The following CEP104 variants were observed in gnomAD, a reference collection of about 807,000 sequenced individuals.
CEP104 encodes centrosomal protein of 104 kDa.
A neutral mutation model predicts 113.3 loss-of-function variants in CEP104; 84 were observed. The observed-to-expected ratio is 0.74, with a 90% CI of 0.62 to 0.89. The LOEUF (loss-of-function observed/expected upper bound fraction) is 0.89. Among genes scored for constraint, CEP104 ranks in the 40% least tolerant of loss-of-function variants. CEP104 has a pLI of 0.00. For missense variants in CEP104, 1,053 were observed against 1,156.6 expected, an observed-to-expected ratio of 0.91 and a Z score of 1.30; for synonymous variants, 378 against 421.7, an observed-to-expected ratio of 0.90 and a Z score of 1.27.
At chr1:3,829,234 GCA>G (rs773944219) in intron 15 of CEP104, 30 bp downstream of exon 15, 1 of 1,425,310 alleles carries the variant, frequency 7.0e-7, no homozygotes, top group South Asian at 1.3e-5. Flanking sequence ...TCAGCTAAAA[GCA>G]CACAGGTGAA....
intron 14 of CEP104, 194 bp from the exon 15 acceptor site, chr1:3,829,567 C>T (rs1644159286): frequency 1.5e-6 from 1 of 655,344 alleles, no homozygotes; most frequent in Admixed American, 2.9e-5. Flanking sequence ...GTCCTCACGG[C>T]TATCGTTATT....
At position 3,836,485 on chromosome 1, in the gene CEP104, T is replaced by TTTTTTG; in HGVS notation, c.1317+9_1317+10insCAAAAA. 1 of 1,510,636 alleles carries TTTTTTG rather than the reference T, an allele frequency of 6.6e-7. No individual in the cohort carries two copies. Among genetic ancestry groups the TTTTTTG allele is most frequent in the Non-Finnish European group, 8.8e-7 (1 of 1,138,724 alleles). 93.6% of individuals were successfully genotyped at this position (1,510,636 alleles called of 1,614,324 possible). On this transcript the variant is annotated intron_variant, in intron 10 of 21. Coordinates refer to ENST00000378230, the MANE Select transcript of CEP104 (RefSeq NM_014704.4). ...GCCACCCCGTTTTTTTTTTTTTTTTTTTTTTTTACCAAGGTTTCTCCCAAC... is the reference window on the plus strand; with the variant it reads ...GCCACCCCGTTTTTTTTTTTTTTTTTTTTTTGTTTTTTTACCAAGGTTTCTCCCAAC...
rs527605519 is a variant in CEP104, at chr1:3,840,617, C to T, written c.567-841G>A. Among the ~76,000 whole-genome samples, 12 of 152,196 alleles carry T rather than the reference C, an allele frequency of 7.9e-5. No homozygotes were observed. In the East Asian group the frequency reaches 2.3e-3, roughly 29 times the overall value. On this transcript the variant is annotated intron_variant, in intron 6 of 21. Transcript: ENST00000378230. ...CAGTGGCATGATCTTGGGCTCACTG[C>T]AACCTCTGCCTCCTGGGTTCAAGCA... is the stretch of plus-strand genomic sequence containing the variant.
intron 2 of CEP104, 98 bp downstream of exon 2, chr1:3,852,195 GAT>G: frequency 8.8e-7 from 1 of 1,137,224 alleles, no homozygotes; most frequent in Non-Finnish European, 1.2e-6. Flanking sequence ...ATGTCCGAGT[GAT>G]AGTAAAATCT....
At chr1:3,836,468 GTTT>G (rs36051675) in intron 10 of CEP104, 24 bp downstream of exon 10, 7,754 of 1,000,230 alleles carry the variant, frequency 7.8e-3, no homozygotes, top group East Asian at 0.013. Context: ...CTGCCACCCC[GTTT>G]TTTTTTTTTT....
chr1:3,841,670 C>T (rs539993534), intron 6 of CEP104, among the ~76,000 whole-genome samples: 65 of 152,314 alleles, frequency 4.3e-4, no homozygotes, highest in Admixed American at 2.9e-3. Flanking sequence ...AGCACAGGCC[C>T]GCACGTGCCA....
In CEP104 at chr1:3,816,295, G is replaced by C. The variant is rs1643879356; in HGVS notation, c.2647C>G (p.Pro883Ala). The change falls in exon 21 of 22, where the codon CCG (proline) becomes GCG (alanine). Residue 883 changes from proline to alanine, a missense_variant. Transcript: ENST00000378230. ...LRKTHILQKA[P>A]ALQPGKSSAV... ...TGTCCCTCACCTGGCTGCAGTGCCGGGGCCTTCTGCAGAATGTGTGTCTTG... is the reference window on the plus strand; with the variant it reads ...TGTCCCTCACCTGGCTGCAGTGCCGCGGCCTTCTGCAGAATGTGTGTCTTG... 1.9e-6 allele frequency: 3 copies of C among 1,552,554 alleles called. No homozygotes were observed. Among genetic ancestry groups the C allele is most frequent in the Non-Finnish European group, 2.6e-6 (3 of 1,147,472 alleles).
intron 1 of CEP104, 50 bp from the exon 2 acceptor site, chr1:3,852,471 C>A: frequency 6.5e-7 from 1 of 1,539,856 alleles, no homozygotes. Flanking sequence ...AATTCACTAA[C>A]ACATGGACAT....
intron 13 of CEP104, 54 bp from the exon 14 acceptor site, chr1:3,830,051 C>A: frequency 1.5e-6 from 2 of 1,307,582 alleles, no homozygotes; most frequent in Non-Finnish European, 2.2e-6. Flanking sequence ...CTAATTTCTT[C>A]CAGCTTACAA....
intron 20 of CEP104, among the ~76,000 whole-genome samples, chr1:3,817,575 C>G (rs1005556365): frequency 1.3e-5 from 2 of 152,208 alleles, no homozygotes; most frequent in Admixed American, 6.5e-5. Flanking sequence ...GGGTTCTGGT[C>G]TCTCCAGGCC....
intron 4 of CEP104, among the ~76,000 whole-genome samples, chr1:3,845,654 C>T (rs532101748): frequency 4.1e-4 from 62 of 152,254 alleles, no homozygotes; most frequent in Admixed American, 2.9e-3. Context: ...CTCTGACCTA[C>T]ACTGTTATCA....
rs967349015 is a variant in CEP104, at chr1:3,815,327, G to A, written c.*75C>T. 19 of 1,140,030 alleles carry A rather than the reference G, an allele frequency of 1.7e-5. No individual in the cohort carries two copies. In the African/African-American group the frequency reaches 2.3e-4, roughly 14 times the overall value. The allele number at this position is 1,140,030 out of a possible 1,614,324, so 70.6% of individuals were successfully genotyped here. ...AGAGCATGGGGCCACCAAGGCCAGA[G>A]AGTTCTGGAGAGATGGTGTAGAATC... On this transcript the variant is annotated 3_prime_UTR_variant, in exon 22 of 22. Coordinates refer to ENST00000378230, the MANE Select transcript of CEP104 (RefSeq NM_014704.4).
intron 20 of CEP104, among the ~76,000 whole-genome samples, chr1:3,820,129 G>A (rs1376916232): frequency 6.6e-6 from 1 of 152,190 alleles, no homozygotes; most frequent in Non-Finnish European, 1.5e-5. Context: ...AGGGAAAGCA[G>A]ATGACACATG....
intron 2 of CEP104, among the ~76,000 whole-genome samples, chr1:3,849,639 T>C (rs1252897809): frequency 6.6e-6 from 1 of 152,208 alleles, no homozygotes; most frequent in East Asian, 1.9e-4. Context: ...ACAGGCACAT[T>C]TGGGGCAGGA....
At position 3,837,528 on chromosome 1, in the gene CEP104, C is replaced by CA. The variant is rs1644338720; in HGVS notation, c.892-10dup. On this transcript the variant is annotated splice_polypyrimidine_tract_variant and intron_variant, in intron 8 of 21. Coordinates refer to ENST00000378230, the MANE Select transcript of CEP104 (RefSeq NM_014704.4). Reference sequence around the variant, plus strand: ...TCAAAAGGTCTTCGCATCTAGAGAACAAAAAGGAACATTTAATTTCAAATG... The same window carrying CA: ...TCAAAAGGTCTTCGCATCTAGAGAACAAAAAAGGAACATTTAATTTCAAATG... 1.2e-6 allele frequency: 2 copies of CA among 1,609,590 alleles called. No individual in the cohort carries two copies. Among genetic ancestry groups the CA allele is most frequent in the East Asian group, 4.5e-5 (2 of 44,858 alleles).
rs1331133500 is a variant in CEP104 at position 3,815,122 on chromosome 1, C to T, written c.*280G>A. The T allele has an allele frequency of 2.5e-5, 11 of 432,672 alleles. No homozygotes were observed. The highest frequency in any genetic ancestry group is 1.6e-4 in the Admixed American group (4 of 24,450). 26.8% of individuals were successfully genotyped at this position (432,672 alleles called of 1,614,324 possible). A position where few individuals can be genotyped will look rare whatever the true frequency, so the allele number is the denominator to read the frequency against. ...GCTCTCTGGCTCTCTCCAAACAGGA[C>T]GCTTCCTTCTCTGATTCTAAGGAAG... is the stretch of plus-strand genomic sequence containing the variant. On this transcript the variant is annotated 3_prime_UTR_variant, in exon 22 of 22. Coordinates refer to ENST00000378230, the MANE Select transcript of CEP104 (RefSeq NM_014704.4).
intron 18 of CEP104, 54 bp downstream of exon 18, chr1:3,825,704 C>T (rs1388518022): frequency 5.1e-5 from 60 of 1,165,808 alleles, no homozygotes; most frequent in Admixed American, 8.8e-5. Flanking sequence ...GGCCTTTCAA[C>T]AGCCAGGTGT....
chr1:3,826,803 C>T (rs943410869), intron 15 of CEP104, 59 bp from the exon 16 acceptor site: 1 of 1,498,558 alleles, frequency 6.7e-7, no homozygotes, highest in East Asian at 2.3e-5. Context: ...TGAGTGAGAG[C>T]CTGTTGAAGA....
chr1:3,844,979 G>T lies in CEP104; in HGVS notation c.494C>A (p.Ser165Tyr). 1 of 1,614,060 alleles carries T rather than the reference G, an allele frequency of 6.2e-7. No individual in the cohort carries two copies. Among genetic ancestry groups the T allele is most frequent in the Non-Finnish European group, 8.5e-7 (1 of 1,179,936 alleles). ...ADFSDESNTA[S>Y]REKLIDHYLG... is the part of the protein sequence containing the mutation. ...GTAGTGGTCAATCAACTTCTCTCGAGAGGCCTTTGGGGGCAAAACATCTGC... is the reference window on the plus strand; with the variant it reads ...GTAGTGGTCAATCAACTTCTCTCGATAGGCCTTTGGGGGCAAAACATCTGC... Residue 165 changes from serine (S) to tyrosine (Y), a missense_variant, in exon 6 of 22, where the codon TCT becomes TAT. Transcript: ENST00000378230.
Sources: gnomAD v4.1 joint callset for allele counts (sites outside exome capture counted in the v4.1 genomes callset) on GRCh38, gnomAD v4.1.1 for gene constraint, MANE v1.5 for transcripts, NCBI Gene and HGNC (gene_info 2026-07-23, HGNC 2026-07-21) for gene names.